Variants in EVI5 observed in about 807,000 individuals in gnomAD.
The protein encoded by EVI5 is ecotropic viral integration site 5 protein homolog.
In EVI5, 73 loss-of-function variants were observed where a neutral mutation model predicts 112.0. The observed-to-expected ratio is 0.65, with a 90% CI of 0.54 to 0.79. EVI5 has a LOEUF of 0.79. EVI5 is among the 30% of genes least tolerant of loss of function. The pLI is 0.00. For missense variants in EVI5, 900 were observed against 968.8 expected (o/e 0.93, Z 0.94); for synonymous variants, 305 against 319.9 (o/e 0.95, Z 0.50).
intron 16 of EVI5, among the ~76,000 whole-genome samples, chr1:92,608,150 C>CA (rs766774711): frequency 0.036 from 4,375 of 120,472 alleles, 163 homozygotes; most frequent in African/African-American, 0.1. Context: ...GACTCCGTCT[C>CA]AAAAAAAAAA....
chr1:92,724,012 C>T lies in EVI5; in HGVS notation c.149+12386G>A, dbSNP rs762294373. On this transcript the variant is annotated intron_variant, in intron 2 of 19. Transcript: ENST00000684568. ...TCTAGTCAGACTGGTTGTCTGCTCT[C>T]GAACCCTGTTTCCTGTTAAGATGTT... 3.3e-5 allele frequency among the ~76,000 whole-genome samples: 5 copies of T among 152,262 alleles called. No individual in the cohort carries two copies. The East Asian group carries it at 5.8e-4, about 18-fold the overall frequency.
At chr1:92,648,087 C>T (rs1319240940) in intron 13 of EVI5, among the ~76,000 whole-genome samples, 2 of 141,298 alleles carry the variant, frequency 1.4e-5, no homozygotes, top group African/African-American at 5.2e-5. Flanking sequence ...TGGCTCACGC[C>T]TGTAATCCCA....
At chr1:92,561,952 T>C (rs1284548408) in intron 19 of EVI5, among the ~76,000 whole-genome samples, 1 of 152,186 alleles carries the variant, frequency 6.6e-6, no homozygotes, top group Non-Finnish European at 1.5e-5. Flanking sequence ...TCATTATTTT[T>C]AGTCAAAGCA....
chr1:92,761,661 G>A (rs1189013533), intron 1 of EVI5, among the ~76,000 whole-genome samples: 1 of 151,992 alleles, frequency 6.6e-6, no homozygotes, highest in Non-Finnish European at 1.5e-5. Flanking sequence ...TTAAGAAATG[G>A]TGTCTTGCTA....
At chr1:92,647,358 C>T (rs567759884) in intron 13 of EVI5, 12 of 253,678 alleles carry the variant, frequency 4.7e-5, no homozygotes, top group African/African-American at 2.2e-4. Flanking sequence ...AGAATACAGA[C>T]ATGTCTCTTT....
intron 18 of EVI5, among the ~76,000 whole-genome samples, chr1:92,604,991 G>A (rs1650042197): frequency 6.6e-6 from 1 of 152,158 alleles, no homozygotes; most frequent in Non-Finnish European, 1.5e-5. Context: ...TCCAGTTGCT[G>A]GTGGTTGCCA....
intron 6 of EVI5, among the ~76,000 whole-genome samples, chr1:92,696,297 T>C (rs139629773): frequency 2.7e-4 from 41 of 152,140 alleles, no homozygotes; most frequent in African/African-American, 9.6e-4. Context: ...ACAAGCTTAC[T>C]ATTTCAGAAA....
Position 92,784,881 on chromosome 1 carries a change from C to A in EVI5, c.-127G>T. 1.0e-6 allele frequency: 1 copy of A among 985,928 alleles called. No homozygotes were observed. The highest frequency in any genetic ancestry group is 1.2e-6 in the Non-Finnish European group (1 of 830,388). The allele number at this position is 985,928 out of a possible 1,614,324, so 61.1% of individuals were successfully genotyped here. A position where few individuals can be genotyped will look rare whatever the true frequency, so the allele number is the denominator to read the frequency against. On this transcript the variant is annotated 5_prime_UTR_variant, in exon 1 of 20. Transcript: ENST00000684568. ...TTCGCCGTAAACATTAACTTCCCAT[C>A]CAGCCGGCAGCCGCGCCGCCGCGTC...
At chr1:92,533,073 T>A (rs1463483747) in intron 19 of EVI5, among the ~76,000 whole-genome samples, 11 of 125,274 alleles carry the variant, frequency 8.8e-5, no homozygotes, top group South Asian at 2.5e-4. Context: ...GAAAGAAGAA[T>A]CAAATAGGTG....
intron 18 of EVI5, 124 bp from the exon 19 acceptor site, chr1:92,563,861 T>A (rs918835394): frequency 4.0e-6 from 2 of 494,452 alleles, no homozygotes; most frequent in African/African-American, 3.9e-5. Context: ...TCTGAACAAA[T>A]CCATTCTCAA....
intron 18 of EVI5, among the ~76,000 whole-genome samples, chr1:92,603,284 T>C (rs1649585776): frequency 1.3e-5 from 2 of 152,108 alleles, no homozygotes; most frequent in Non-Finnish European, 1.5e-5. Flanking sequence ...CTGTGGAAAA[T>C]GGTATGGCAA....
intron 1 of EVI5, among the ~76,000 whole-genome samples, chr1:92,777,424 T>C (rs1684296539): frequency 6.6e-6 from 1 of 152,172 alleles, no homozygotes; most frequent in African/African-American, 2.4e-5. Context: ...ACAATTCCTT[T>C]AGAGAAGGTA....
chr1:92,762,107 T>A (rs1681967760), intron 1 of EVI5, among the ~76,000 whole-genome samples: 1 of 151,020 alleles, frequency 6.6e-6, no homozygotes, highest in East Asian at 1.9e-4. Flanking sequence ...AACACAAGAG[T>A]AGGAATTACA....
At chr1:92,558,106 T>C (rs80019582) in intron 19 of EVI5, among the ~76,000 whole-genome samples, 3,914 of 152,238 alleles carry the variant, frequency 0.026, 148 homozygotes, top group African/African-American at 0.079. Context: ...TTTAAATAAC[T>C]ACGCTGAAAT....
chr1:92,784,422 C>A (rs1304884153), intron 1 of EVI5: 1 of 985,288 alleles, frequency 1.0e-6, no homozygotes, highest in East Asian at 1.1e-4. Context: ...AAGACGCCAA[C>A]TTTGCAAGTC....
At chr1:92,556,433 G>A (rs1055272229) in intron 19 of EVI5, among the ~76,000 whole-genome samples, 2 of 151,982 alleles carry the variant, frequency 1.3e-5, no homozygotes, top group Non-Finnish European at 2.9e-5. Flanking sequence ...CTCACTTAAA[G>A]TTTTCCATAG....
chr1:92,580,619 C>CT, intron 18 of EVI5: 1 of 166,858 alleles, frequency 6.0e-6, no homozygotes, highest in Non-Finnish European at 1.3e-5. Flanking sequence ...CCAAAACATG[C>CT]TTTTTCAGTT....
rs139566024 is a variant in EVI5, at chr1:92,564,959, G to A, written c.2071-1222C>T. Among the ~76,000 whole-genome samples, 30 of 152,222 alleles carry A rather than the reference G, an allele frequency of 2.0e-4. No homozygotes were observed. In the East Asian group the frequency reaches 4.2e-3, roughly 22 times the overall value. Reference sequence around the variant, plus strand: ...CCTCCCAAAGTGCTGAGATTACAGCGTGAGCCACCATGCCTGGCCTAGATA... The same window carrying A: ...CCTCCCAAAGTGCTGAGATTACAGCATGAGCCACCATGCCTGGCCTAGATA... On this transcript the variant is annotated intron_variant, in intron 18 of 19. Coordinates refer to ENST00000684568, the MANE Select transcript of EVI5 (RefSeq NM_001350197.2).
At chr1:92,589,419 A>G (rs551673031) in intron 18 of EVI5, among the ~76,000 whole-genome samples, 1 of 152,310 alleles carries the variant, frequency 6.6e-6, no homozygotes, top group South Asian at 2.1e-4. Context: ...TCCCACCCCA[A>G]TACTGCACTT....
Sources: allele counts gnomAD v4.1 joint callset (sites outside exome capture counted in the v4.1 genomes callset), GRCh38; gene constraint gnomAD v4.1.1; transcripts MANE v1.5; gene names NCBI Gene and HGNC (gene_info 2026-07-23, HGNC 2026-07-21).